Variants in AKAP6 observed in about 807,000 individuals in gnomAD.
AKAP6 encodes A-kinase anchoring protein 6, also known as A-kinase anchor protein 6.
AKAP6 carries 58 observed loss-of-function variants against 188.5 expected under a neutral mutation model. The observed-to-expected ratio is 0.31, with a 90% confidence interval of 0.25 to 0.38. The LOEUF (loss-of-function observed/expected upper bound fraction) is 0.38, where lower values mean the gene tolerates loss of function less well. AKAP6 is among the 10% of genes least tolerant of loss of function. AKAP6 has a pLI of 1.00. For missense variants in AKAP6, 2,710 were observed against 2,740.0 expected (o/e 0.99, Z 0.24); for synonymous variants, 989 against 998.6 (o/e 0.99, Z 0.18).
chr14:32,500,500 G>A (rs552215227), intron 2 of AKAP6, among the ~76,000 whole-genome samples: 14 of 152,280 alleles, frequency 9.2e-5, no homozygotes, highest in African/African-American at 3.1e-4. Context: ...CTGGTTGGAA[G>A]GAGGGCACAC....
At chr14:32,581,870 T>C (rs1274828259) in intron 5 of AKAP6, among the ~76,000 whole-genome samples, 1 of 152,220 alleles carries the variant, frequency 6.6e-6, no homozygotes, top group Non-Finnish European at 1.5e-5. Context: ...CATCCTTTTA[T>C]TTTGAGCCTA....
At chr14:32,548,952 A>G (rs1309749091) in intron 4 of AKAP6, among the ~76,000 whole-genome samples, 1 of 152,176 alleles carries the variant, frequency 6.6e-6, no homozygotes, top group Non-Finnish European at 1.5e-5. Flanking sequence ...TACTACTCTG[A>G]GACCAGCATT....
At chr14:32,526,978 A>G (rs556643675) in intron 2 of AKAP6, among the ~76,000 whole-genome samples, 6 of 152,188 alleles carry the variant, frequency 3.9e-5, no homozygotes, top group Non-Finnish European at 7.3e-5. Context: ...CCCCAATTCC[A>G]TAGTGTACAT....
intron 9 of AKAP6, chr14:32,718,229 T>C: frequency 1.1e-6 from 1 of 951,726 alleles, no homozygotes; most frequent in Non-Finnish European, 1.3e-6. Context: ...TATTACTAAC[T>C]TTCCCCATGG....
At chr14:32,540,168 C>CTCTCTCTCTCTCTCTCTCTCTA (rs1240063339) in intron 3 of AKAP6, among the ~76,000 whole-genome samples, 1 of 60,916 alleles carries the variant, frequency 1.6e-5, no homozygotes, top group African/African-American at 9.8e-5. Context: ...CTCTCTCTCT[C>CTCTCTCTCTCTCTCTCTCTCTA]TATATATATA....
At chr14:32,535,882 G>A (rs1882651547) in intron 3 of AKAP6, 77 bp downstream of exon 3, 1 of 1,530,320 alleles carries the variant, frequency 6.5e-7, no homozygotes, top group African/African-American at 1.4e-5. Flanking sequence ...TAGAGATGTA[G>A]GATAGGAATT....
intron 1 of AKAP6, among the ~76,000 whole-genome samples, chr14:32,409,246 A>G (rs1387590475): frequency 6.6e-6 from 1 of 152,178 alleles, no homozygotes; most frequent in Non-Finnish European, 1.5e-5. Flanking sequence ...ACTAATTCAT[A>G]CAAGATGCCC....
At chr14:32,353,590 G>A (rs1424386722) in intron 1 of AKAP6, among the ~76,000 whole-genome samples, 1 of 152,120 alleles carries the variant, frequency 6.6e-6, no homozygotes, top group African/African-American at 2.4e-5. Context: ...TCAACATAGT[G>A]TTGGAAGTTC....
intron 4 of AKAP6, among the ~76,000 whole-genome samples, chr14:32,553,856 A>G (rs1276850478): frequency 6.6e-6 from 1 of 152,196 alleles, no homozygotes; most frequent in African/African-American, 2.4e-5. Flanking sequence ...CCATTGTGTG[A>G]ATAAATTACT....
intron 2 of AKAP6, among the ~76,000 whole-genome samples, chr14:32,509,672 G>T (rs571005751): frequency 6.6e-6 from 1 of 152,208 alleles, no homozygotes; most frequent in African/African-American, 2.4e-5. Flanking sequence ...TCTTGTCCAG[G>T]TCTTGCACAA....
rs542415939 is a variant in AKAP6, at chr14:32,638,715, C to T, written c.2730+37923C>T. Among the ~76,000 whole-genome samples, 10 of 151,992 alleles carry T rather than the reference C, an allele frequency of 6.6e-5. No homozygotes were observed. In the South Asian group the frequency reaches 2.1e-3, roughly 32 times the overall value. On this transcript the variant is annotated intron_variant, in intron 7 of 13. Coordinates refer to ENST00000280979, the MANE Select transcript of AKAP6 (RefSeq NM_004274.5). The stretch of plus-strand genomic sequence containing the variant: ...ATATATTGAGTTTTAACTACCAAAG[C>T]ACTGTTCTTGGTTGTTGGTAGGGTA...
chr14:32,666,757 A>T (rs998855783), intron 7 of AKAP6, among the ~76,000 whole-genome samples: 8 of 151,928 alleles, frequency 5.3e-5, no homozygotes, highest in African/African-American at 1.9e-4. Context: ...GGTGCTTGCA[A>T]TTAATTTAGG....
chr14:32,419,659 G>T lies in AKAP6; in HGVS notation c.-34-13801G>T, dbSNP rs1172300039. ...CAACTTGATCACTTAATCACCTGTG[G>T]TTTTCATCCTGAGATCAGGCTTATT... On this transcript the variant is annotated intron_variant, in intron 1 of 13. Transcript: ENST00000280979. Among the ~76,000 whole-genome samples the T allele has an allele frequency of 3.3e-5, 5 of 152,130 alleles. No homozygotes were observed. The East Asian group carries it at 9.6e-4, about 29-fold the overall frequency.
chr14:32,579,549 AGTGT>A (rs1174763809), intron 5 of AKAP6, among the ~76,000 whole-genome samples: 2 of 152,114 alleles, frequency 1.3e-5, no homozygotes, highest in African/African-American at 4.8e-5. Context: ...CTGAAGACCT[AGTGT>A]GTGTGTATTG....
chr14:32,661,574 A>G lies in AKAP6; in HGVS notation c.2731-16737A>G, dbSNP rs146607304. 7.8e-3 allele frequency among the ~76,000 whole-genome samples: 1,183 copies of G among 152,244 alleles called. 19 individuals carry two copies. The highest frequency in any genetic ancestry group is 0.027 in the African/African-American group (1,114 of 41,560). ...GGGCCTTGCAGAAAGTGACCCAAGT[A>G]CATACCTTACTCAGTAGACTTGATG... On this transcript the variant is annotated intron_variant, in intron 7 of 13. Transcript: ENST00000280979.
chr14:32,812,493 A>G (rs2034261990), intron 12 of AKAP6, among the ~76,000 whole-genome samples: 2 of 152,178 alleles, frequency 1.3e-5, no homozygotes, highest in African/African-American at 4.8e-5. Context: ...CAAAAAATAA[A>G]CCAGTTCTCC....
intron 2 of AKAP6, among the ~76,000 whole-genome samples, chr14:32,441,031 T>C (rs368189332): frequency 1.6e-4 from 25 of 152,112 alleles, no homozygotes; most frequent in African/African-American, 5.1e-4. Context: ...AGCAACAAGG[T>C]GCCATATTGG....
intron 2 of AKAP6, among the ~76,000 whole-genome samples, chr14:32,481,409 T>A (rs928628941): frequency 3.3e-5 from 5 of 152,126 alleles, no homozygotes; most frequent in African/African-American, 1.2e-4. Context: ...AATAAAGACA[T>A]ACCCGGGACT....
chr14:32,821,062 A>G (rs892714989), intron 12 of AKAP6, among the ~76,000 whole-genome samples: 1 of 152,200 alleles, frequency 6.6e-6, no homozygotes, highest in Non-Finnish European at 1.5e-5. Context: ...TACTATTTTT[A>G]CCTTCATTCA....
Sources: allele counts gnomAD v4.1 joint callset (sites outside exome capture counted in the v4.1 genomes callset), GRCh38; gene constraint gnomAD v4.1.1; transcripts MANE v1.5; gene names NCBI Gene and HGNC (gene_info 2026-07-23, HGNC 2026-07-21).